XPO4: variants seen among roughly 807,000 people sequenced by gnomAD.
XPO4 encodes the protein exportin-4.
A neutral mutation model predicts 143.0 loss-of-function variants in XPO4; 39 were observed. The observed-to-expected ratio is 0.27, with a 90% CI of 0.21 to 0.36. The LOEUF is 0.36. Ranked by LOEUF, XPO4 falls within the 10% of genes least tolerant of loss-of-function variation. XPO4 has a pLI of 1.00. For missense variants in XPO4, 907 were observed against 1,348.0 expected, an observed-to-expected ratio of 0.67 and a Z score of 5.12; for synonymous variants, 439 against 474.0, an observed-to-expected ratio of 0.93 and a Z score of 0.96.
Position 20,783,024 on chromosome 13 carries a change from A to C in XPO4, c.*698T>G, listed in dbSNP as rs2059159284. Reference sequence around the variant, plus strand: ...AGCAAGAAAAGCAAGAAAGCAAGCAAGCAAGAAAGCAAGCTAAGAAAAAGC... The same window carrying C: ...AGCAAGAAAAGCAAGAAAGCAAGCACGCAAGAAAGCAAGCTAAGAAAAAGC... On this transcript the variant is annotated 3_prime_UTR_variant, in exon 23 of 23. Transcript: ENST00000255305. 6.6e-6 allele frequency: 1 copy of C among 152,378 alleles called. No individual in the cohort carries two copies. Among genetic ancestry groups the C allele is most frequent in the South Asian group, 2.1e-4 (1 of 4,834 alleles). 9.4% of individuals were successfully genotyped at this position (152,378 alleles called of 1,614,324 possible).
At chr13:20,837,604 T>G (rs1369181616) in intron 6 of XPO4, among the ~76,000 whole-genome samples, 1 of 152,016 alleles carries the variant, frequency 6.6e-6, no homozygotes, top group East Asian at 1.9e-4. Context: ...TATTGGTCCA[T>G]TCTCAGGCTG....
intron 4 of XPO4, among the ~76,000 whole-genome samples, chr13:20,854,011 T>C (rs1423879265): frequency 6.6e-6 from 1 of 152,216 alleles, no homozygotes; most frequent in East Asian, 1.9e-4. Context: ...ATCTTGACTA[T>C]GGTAGGAGTT....
intron 1 of XPO4, among the ~76,000 whole-genome samples, chr13:20,882,261 AT>A (rs2060418663): frequency 6.6e-6 from 1 of 152,158 alleles, no homozygotes; most frequent in African/African-American, 2.4e-5. Context: ...TGGGTAATTT[AT>A]AAAGAAAAGA....
intron 1 of XPO4, among the ~76,000 whole-genome samples, chr13:20,875,424 G>A (rs1261747947): frequency 1.3e-5 from 2 of 152,116 alleles, no homozygotes; most frequent in African/African-American, 4.8e-5. Flanking sequence ...TTTCAAATTT[G>A]AAAGATGTCC....
chr13:20,844,063 CCTTT>C (rs1329838566), intron 4 of XPO4, among the ~76,000 whole-genome samples, 177 bp from the exon 5 acceptor site: 1 of 152,164 alleles, frequency 6.6e-6, no homozygotes, highest in African/African-American at 2.4e-5. Flanking sequence ...TATTAGCTCT[CCTTT>C]CTAAGTGGTC....
At chr13:20,844,019 C>T in intron 4 of XPO4, 133 bp from the exon 5 acceptor site, 2 of 680,534 alleles carry the variant, frequency 2.9e-6, no homozygotes, top group African/African-American at 3.6e-5. Context: ...GATCTTATAA[C>T]AACTAGTCAG....
chr13:20,792,158 C>T (rs1313946349), intron 18 of XPO4, among the ~76,000 whole-genome samples: 3 of 152,154 alleles, frequency 2.0e-5, no homozygotes, highest in Admixed American at 1.3e-4. Flanking sequence ...AGGTCGGATA[C>T]CACGTTAAAG....
intron 1 of XPO4, among the ~76,000 whole-genome samples, chr13:20,896,692 T>G (rs2060572938): frequency 6.6e-6 from 1 of 152,228 alleles, no homozygotes; most frequent in African/African-American, 2.4e-5. Flanking sequence ...TGGCCTTTCT[T>G]TCCAATATCT....
chr13:20,864,509 T>C (rs970499366), intron 2 of XPO4, among the ~76,000 whole-genome samples: 1 of 152,184 alleles, frequency 6.6e-6, no homozygotes, highest in Non-Finnish European at 1.5e-5. Context: ...TCCTCCATTT[T>C]ACAGGAGCTG....
At chr13:20,818,835 G>A (rs1219921890) in intron 9 of XPO4, among the ~76,000 whole-genome samples, 1 of 141,648 alleles carries the variant, frequency 7.1e-6, no homozygotes, top group African/African-American at 2.6e-5. Context: ...TTGTTTTTTT[G>A]TTGAGATGGA....
At chr13:20,854,225 G>C (rs1350382208) in intron 4 of XPO4, among the ~76,000 whole-genome samples, 2 of 152,274 alleles carry the variant, frequency 1.3e-5, no homozygotes, top group Non-Finnish European at 2.9e-5. Context: ...AGATTCCGTG[G>C]GTCTAGACTC....
chr13:20,839,242 A>G (rs1215961053), intron 6 of XPO4, among the ~76,000 whole-genome samples: 2 of 152,110 alleles, frequency 1.3e-5, no homozygotes, highest in African/African-American at 4.8e-5. Flanking sequence ...CCACCTTGGG[A>G]AACAGAGTGA....
intron 1 of XPO4, among the ~76,000 whole-genome samples, chr13:20,891,639 G>C (rs2060517774): frequency 6.6e-6 from 1 of 151,946 alleles, no homozygotes; most frequent in Non-Finnish European, 1.5e-5. Context: ...GAGGCAGGCG[G>C]ACTGCCTGAG....
chr13:20,851,754 A>T (rs2060092385), intron 4 of XPO4: 1 of 980,282 alleles, frequency 1.0e-6, no homozygotes, highest in African/African-American at 1.8e-5. Context: ...AAAGAAAGAC[A>T]GAAATTTGAC....
intron 1 of XPO4, among the ~76,000 whole-genome samples, chr13:20,900,197 C>T (rs2138195779): frequency 6.6e-6 from 1 of 152,208 alleles, no homozygotes; most frequent in South Asian, 2.1e-4. Flanking sequence ...CCAGCCTGGC[C>T]AACATGGTGA....
chr13:20,832,652 T>G (rs568551987), intron 6 of XPO4, among the ~76,000 whole-genome samples: 58 of 152,294 alleles, frequency 3.8e-4, no homozygotes, highest in Non-Finnish European at 5.6e-4. Flanking sequence ...AAATATTTAA[T>G]CCCTTTCATT....
intron 13 of XPO4, among the ~76,000 whole-genome samples, chr13:20,804,035 T>C (rs1451143855): frequency 6.6e-6 from 1 of 152,080 alleles, no homozygotes; most frequent in Non-Finnish European, 1.5e-5. Flanking sequence ...TATTGATTCT[T>C]GCAAAATACA....
intron 22 of XPO4, among the ~76,000 whole-genome samples, chr13:20,785,390 G>A (rs2059187503): frequency 6.6e-6 from 1 of 152,100 alleles, no homozygotes; most frequent in Non-Finnish European, 1.5e-5. Flanking sequence ...TGGTAGAGGT[G>A]GCAAGGCATG....
intron 6 of XPO4, among the ~76,000 whole-genome samples, chr13:20,839,468 TG>T (rs2059952084): frequency 6.6e-6 from 1 of 152,292 alleles, no homozygotes; most frequent in Non-Finnish European, 1.5e-5. Flanking sequence ...TACAACTCTA[TG>T]AATATATTAA....
Sources: gnomAD v4.1 joint callset for allele counts (sites outside exome capture counted in the v4.1 genomes callset) on GRCh38, gnomAD v4.1.1 for gene constraint, MANE v1.5 for transcripts, NCBI Gene and HGNC (gene_info 2026-07-23, HGNC 2026-07-21) for gene names.